Variants in IL17B observed in about 807,000 individuals in gnomAD.
The protein encoded by IL17B is interleukin 17B, also known as interleukin-17B.
Under a neutral mutation model 14.7 loss-of-function variants are expected in IL17B, and 14 were observed. That is an observed-to-expected ratio of 0.95 (90% CI 0.63 to 1.49). The LOEUF is 1.49. Among genes scored for constraint, IL17B ranks in the 40% most tolerant of loss-of-function variants. The probability of loss-of-function intolerance (pLI) is 0.00; values close to 1 mark genes in which losing one functional copy is unlikely to be tolerated. For missense variants in IL17B, 233 were observed against 252.8 expected (o/e 0.92, Z 0.53); for synonymous variants, 105 against 94.8 (o/e 1.11, Z -0.62).
intron 1 of IL17B, among the ~76,000 whole-genome samples, chr5:149,393,138 A>T (rs1203087844): frequency 1.3e-5 from 2 of 152,024 alleles, no homozygotes; most frequent in Admixed American, 6.6e-5. Context: ...AAATAGAAAA[A>T]CTGAGGCCCA....
intron 1 of IL17B, among the ~76,000 whole-genome samples, chr5:149,390,974 G>GTGTTT (rs1261302519): frequency 1.3e-5 from 2 of 151,968 alleles, no homozygotes; most frequent in Non-Finnish European, 2.9e-5. Context: ...TTTTTCCTTT[G>GTGTTT]TGTTTTGTTT....
At chr5:149,402,151 T>C (rs1759216631) in intron 1 of IL17B, among the ~76,000 whole-genome samples, 1 of 152,168 alleles carries the variant, frequency 6.6e-6, no homozygotes, top group Non-Finnish European at 1.5e-5. Context: ...TCCAGACCCA[T>C]GTGGTCTTGT....
chr5:149,400,793 G>A (rs1181204890), intron 1 of IL17B, among the ~76,000 whole-genome samples: 3 of 152,216 alleles, frequency 2.0e-5, no homozygotes, highest in African/African-American at 7.2e-5. Flanking sequence ...AAGGGCTGGA[G>A]CCAGGGGTGC....
chr5:149,397,233 G>A (rs754660825), intron 1 of IL17B, among the ~76,000 whole-genome samples: 11 of 151,912 alleles, frequency 7.2e-5, no homozygotes, highest in Non-Finnish European at 1.5e-4. Context: ...GAAGTGGTGC[G>A]ATCTCTGCTC....
At chr5:149,402,502 G>T (rs971690907) in intron 1 of IL17B, among the ~76,000 whole-genome samples, 1 of 151,966 alleles carries the variant, frequency 6.6e-6, no homozygotes, top group African/African-American at 2.4e-5. Flanking sequence ...CTACCTTTGG[G>T]CACTCCACAG....
Position 149,374,292 on chromosome 5 carries a change from T to G in IL17B, c.*77A>C. 2 of 1,375,826 alleles carry G rather than the reference T, an allele frequency of 1.5e-6. No individual in the cohort carries two copies. Among genetic ancestry groups the G allele is most frequent in the Non-Finnish European group, 1.9e-6 (2 of 1,028,224 alleles). The allele number at this position is 1,375,826 out of a possible 1,614,324, so 85.2% of individuals were successfully genotyped here. On this transcript the variant is annotated 3_prime_UTR_variant, in exon 3 of 3. Coordinates refer to ENST00000261796, the MANE Select transcript of IL17B (RefSeq NM_014443.3). This position sits in a 1 kb window ranked among gnomAD's most constrained non-coding sequence, Gnocchi z 5.0. The stretch of plus-strand genomic sequence containing the variant: ...TTGCTTTCAAAAGTCAGTGTTTACT[T>G]TTCATAGGCCTTTCTTGGCACAAAG...
chr5:149,402,077 A>C (rs559529241), intron 1 of IL17B, among the ~76,000 whole-genome samples: 57 of 152,280 alleles, frequency 3.7e-4, no homozygotes, highest in Admixed American at 3.0e-3. Context: ...TGCTCTCTAC[A>C]GGGTTTTCAC....
intron 1 of IL17B, among the ~76,000 whole-genome samples, chr5:149,392,612 G>T (rs1191157034): frequency 6.6e-6 from 1 of 152,182 alleles, no homozygotes; most frequent in Non-Finnish European, 1.5e-5. Context: ...TTTTCTCTGG[G>T]GAGGGGAATG....
rs755299932 is a variant in IL17B, at chr5:149,374,578, T to C, written c.334A>G (p.Ile112Val). ...GYSINHDPSR[I>V]PVDLPEARCL... ...CGTGCCTCCGGCAGGTCCACGGGGA[T>C]ACGGCTGGGGTCGTGGTTGATGCTG... Residue 112 changes from isoleucine to valine, a missense_variant, in exon 3 of 3, where the codon ATC (isoleucine) becomes GTC (valine). Ile to Val is a conservative substitution (Grantham distance 29). Coordinates refer to ENST00000261796, the MANE Select transcript of IL17B (RefSeq NM_014443.3). This position sits in a 1 kb window ranked among gnomAD's most constrained non-coding sequence, Gnocchi z 5.0. 6.2e-7 allele frequency: 1 copy of C among 1,612,212 alleles called. No individual in the cohort carries two copies. The highest frequency in any genetic ancestry group is 8.5e-7 in the Non-Finnish European group (1 of 1,179,126).
intron 1 of IL17B, among the ~76,000 whole-genome samples, chr5:149,397,717 G>A (rs550811818): frequency 3.8e-4 from 58 of 152,318 alleles, no homozygotes; most frequent in African/African-American, 1.3e-3. Flanking sequence ...TGATTACAGT[G>A]GCTGAGAAGT....
chr5:149,377,180 C>T (rs1211482095), intron 1 of IL17B, among the ~76,000 whole-genome samples, 155 bp from the exon 2 acceptor site: 2 of 152,120 alleles, frequency 1.3e-5, no homozygotes, highest in African/African-American at 4.8e-5. Flanking sequence ...CTCAGATTAC[C>T]CCCTGTTTCC....
upstream of IL17B, among the ~76,000 whole-genome samples, chr5:149,379,515 C>T (rs972681501): frequency 1.3e-5 from 2 of 152,224 alleles, no homozygotes; most frequent in Non-Finnish European, 2.9e-5. Context: ...GGGCTCTGGC[C>T]GGTGGCACCT....
At chr5:149,385,742 C>T (rs549431059) in intron 1 of IL17B, among the ~76,000 whole-genome samples, 6 of 152,244 alleles carry the variant, frequency 3.9e-5, no homozygotes, top group Non-Finnish European at 8.8e-5. Context: ...GACTTTTCCC[C>T]CAAAGCTGTC....
chr5:149,399,637 G>C (rs1759169679), intron 1 of IL17B, among the ~76,000 whole-genome samples: 1 of 152,190 alleles, frequency 6.6e-6, no homozygotes, highest in Non-Finnish European at 1.5e-5. Flanking sequence ...TGTTTGTTGA[G>C]TGAATTGTGG....
chr5:149,384,384 A>G (rs1758775975), intron 1 of IL17B, among the ~76,000 whole-genome samples: 1 of 152,184 alleles, frequency 6.6e-6, no homozygotes, highest in African/African-American at 2.4e-5. Flanking sequence ...ATATTTGGCA[A>G]GTTCGGGCTG....
intron 2 of IL17B, among the ~76,000 whole-genome samples, chr5:149,376,095 C>G (rs550266654): frequency 2.0e-5 from 3 of 152,286 alleles, no homozygotes; most frequent in Admixed American, 6.5e-5. Context: ...TCAGGGTCAG[C>G]CCTTTCCTTC....
Position 149,374,985 on chromosome 5 carries a change from C to A in IL17B, c.312-385G>T. The A allele has an allele frequency of 5.7e-6, 1 of 174,978 alleles. No individual in the cohort carries two copies. Among genetic ancestry groups the A allele is most frequent in the Non-Finnish European group, 1.2e-5 (1 of 83,032 alleles). The allele number at this position is 174,978 out of a possible 1,614,324, so 10.8% of individuals were successfully genotyped here. On this transcript the variant is annotated intron_variant, in intron 2 of 2. Coordinates refer to ENST00000261796, the MANE Select transcript of IL17B (RefSeq NM_014443.3). This position sits in a 1 kb window ranked among gnomAD's most constrained non-coding sequence, Gnocchi z 5.0. ...TCACCCAGGGTGGAAGTGGCCCAGT[C>A]ACAGCTTACTGCAGCATCAGCCTCC...
intron 1 of IL17B, among the ~76,000 whole-genome samples, chr5:149,394,387 G>A (rs1759050092): frequency 6.6e-6 from 1 of 152,120 alleles, no homozygotes; most frequent in Admixed American, 6.5e-5. Flanking sequence ...CCAAAGAACC[G>A]AGATCTTGAG....
In IL17B at chr5:149,374,791, G is replaced by A. The variant is rs972797025; in HGVS notation, c.312-191C>T. On this transcript the variant is annotated intron_variant, in intron 2 of 2. Coordinates refer to ENST00000261796, the MANE Select transcript of IL17B (RefSeq NM_014443.3). This position sits in a 1 kb window ranked among gnomAD's most constrained non-coding sequence, Gnocchi z 5.0. ...AACTGAAGATCATGGAAGGCAAGTCGAGAGCCCCAAGGTTATCCAGCTTCA... is the reference window on the plus strand; with the variant it reads ...AACTGAAGATCATGGAAGGCAAGTCAAGAGCCCCAAGGTTATCCAGCTTCA... 5.3e-6 allele frequency: 3 copies of A among 568,314 alleles called. No homozygotes were observed. Among genetic ancestry groups the A allele is most frequent in the Non-Finnish European group, 6.2e-6 (2 of 320,370 alleles). The allele number at this position is 568,314 out of a possible 1,614,324, so 35.2% of individuals were successfully genotyped here.
Sources: allele counts gnomAD v4.1 joint callset (sites outside exome capture counted in the v4.1 genomes callset), GRCh38; gene constraint gnomAD v4.1.1; non-coding constraint Gnocchi (gnomAD v3.1); transcripts MANE v1.5; gene names NCBI Gene and HGNC (gene_info 2026-07-23, HGNC 2026-07-21).